Variants in MIDEAS observed in about 807,000 individuals in gnomAD.
MIDEAS encodes mitotic deacetylase-associated SANT domain protein.
In MIDEAS, 26 loss-of-function variants were observed where a neutral mutation model predicts 102.7. That is an observed-to-expected ratio of 0.25 (90% CI 0.19 to 0.35). MIDEAS has a LOEUF of 0.35. MIDEAS is among the 10% of genes least tolerant of loss of function. The pLI is 1.00. For synonymous variants in MIDEAS, 585 were observed against 591.0 expected (o/e 0.99, Z 0.15); for missense variants, 1,231 against 1,435.6 (o/e 0.86, Z 2.30).
rs1376326078 is a variant in MIDEAS at position 73,773,115 on chromosome 14, GATGTAA to G, written c.-248+13981_-248+13986del. Among the ~76,000 whole-genome samples, 22 of 148,814 alleles carry G rather than the reference GATGTAA, an allele frequency of 1.5e-4. 1 individual carries two copies. In the East Asian group the frequency reaches 4.4e-3, roughly 30 times the overall value. ...GGCCTCCCAAAGTGCTGGGATTACA[GATGTAA>G]GCCACCACGCCTGGCTTCTCATACA... On this transcript the variant is annotated intron_variant, in intron 1 of 11. Transcript: ENST00000394071.
intron 1 of MIDEAS, among the ~76,000 whole-genome samples, chr14:73,781,561 CCT>C (rs35223288): frequency 0.12 from 18,158 of 151,420 alleles, 1,230 homozygotes; most frequent in Middle Eastern, 0.21. Context: ...ATGGAGAAAC[CCT>C]GTCTCTACTA....
upstream of MIDEAS, among the ~76,000 whole-genome samples, chr14:73,762,473 G>A (rs965083138): frequency 2.0e-5 from 3 of 152,188 alleles, no homozygotes; most frequent in South Asian, 4.1e-4. Flanking sequence ...AGAAAGGAGA[G>A]AGAAGAAAAG....
chr14:73,748,768 CA>C (rs55972902), intron 1 of MIDEAS, among the ~76,000 whole-genome samples: 2,927 of 124,480 alleles, frequency 0.024, 52 homozygotes, highest in African/African-American at 0.072. Context: ...GACTCCGTCT[CA>C]AAAAAAAAAA....
chr14:73,729,745 G>A lies in MIDEAS; in HGVS notation c.1990C>T (p.Arg664Trp). The change falls in exon 4 of 13, where the codon CGG becomes TGG. Residue 664 changes from arginine to tryptophan, a missense_variant. Coordinates refer to ENST00000423556, the MANE Select transcript of MIDEAS (RefSeq NM_001367710.1). ...TTGAAGTAGAGGCCAGAGCCTTCCC[G>A]CACAGGGCTGAGGATGGGGGGCGGC... is the stretch of plus-strand genomic sequence containing the variant. Reference protein sequence around the residue: ...YTPPPILSPVREGSGLYFNAI... With the variant: ...YTPPPILSPVWEGSGLYFNAI... 6.2e-7 allele frequency: 1 copy of A among 1,614,084 alleles called. No individual in the cohort carries two copies. Among genetic ancestry groups the A allele is most frequent in the Non-Finnish European group, 8.5e-7 (1 of 1,180,044 alleles).
chr14:73,767,519 T>C (rs1186923521), intron 1 of MIDEAS, among the ~76,000 whole-genome samples: 1 of 152,134 alleles, frequency 6.6e-6, no homozygotes, highest in African/African-American at 2.4e-5. Flanking sequence ...GCACTTCTAG[T>C]CCCAGCTACT....
intron 1 of MIDEAS, among the ~76,000 whole-genome samples, chr14:73,756,312 G>GCGCGTGCACA (rs2053483515): frequency 6.6e-6 from 1 of 151,750 alleles, no homozygotes; most frequent in African/African-American, 2.4e-5. Flanking sequence ...GCGCGTGCGC[G>GCGCGTGCACA]CTGAGGTGGA....
Position 73,739,458 on chromosome 14 carries a change from G to A in MIDEAS, c.551C>T (p.Pro184Leu). 6.2e-7 allele frequency: 1 copy of A among 1,601,238 alleles called. No homozygotes were observed. The highest frequency in any genetic ancestry group is 8.5e-7 in the Non-Finnish European group (1 of 1,173,114). ...QLDRYVRPMM[P>L]QKVQLEVGRP... ...CCCTACCTCCAGCTGCACCTTCTGTGGCATCATTGGTCGCACATAGCGGTC... is the reference window on the plus strand; with the variant it reads ...CCCTACCTCCAGCTGCACCTTCTGTAGCATCATTGGTCGCACATAGCGGTC... Residue 184 changes from proline to leucine, a missense_variant, in exon 2 of 13, where the codon CCA becomes CTA. Coordinates refer to ENST00000423556, the MANE Select transcript of MIDEAS (RefSeq NM_001367710.1).
Position 73,737,024 on chromosome 14 carries a change from T to C in MIDEAS, c.1723A>G (p.Ile575Val), listed in dbSNP as rs1162090091. The C allele has an allele frequency of 6.2e-7, 1 of 1,613,464 alleles. No individual in the cohort carries two copies. The highest frequency in any genetic ancestry group is 8.5e-7 in the Non-Finnish European group (1 of 1,179,924). ...TGAGCTTGAGCATCTGTCCCGGGGA[T>C]TCGGGTGGACCGCCTGCGGGTGACG... ...VIVTRRRSTRIPGTDAQAQAE... is the reference protein window; with the variant it reads ...VIVTRRRSTRVPGTDAQAQAE... Residue 575 changes from isoleucine (I) to valine (V), a missense_variant, in exon 3 of 13, where the codon ATC becomes GTC. By Grantham distance (29) the Ile-to-Val change is conservative. Coordinates refer to ENST00000423556, the MANE Select transcript of MIDEAS (RefSeq NM_001367710.1).
rs1024329852 is a variant in MIDEAS at position 73,759,611 on chromosome 14, G to C, written c.-248+152C>G. On this transcript the variant is annotated intron_variant, in intron 1 of 12. Coordinates refer to ENST00000423556, the MANE Select transcript of MIDEAS (RefSeq NM_001367710.1). This position sits in a 1 kb window ranked among gnomAD's most constrained non-coding sequence, Gnocchi z 6.7. ...ACCGCCGCCCAGGCCGCAGAAGTTC[G>C]AGCGCAGCGGCCCCCGCGGCCCCCT... 2.7e-5 allele frequency among the ~76,000 whole-genome samples: 4 copies of C among 149,344 alleles called. No individual in the cohort carries two copies. The highest frequency in any genetic ancestry group is 9.7e-5 in the African/African-American group (4 of 41,128).
upstream of MIDEAS, among the ~76,000 whole-genome samples, chr14:73,763,380 G>A (rs541091527): frequency 6.6e-6 from 1 of 152,298 alleles, no homozygotes; most frequent in East Asian, 1.9e-4. Context: ...TATGGTGTGT[G>A]AAGTATATCT....
intron 1 of MIDEAS, among the ~76,000 whole-genome samples, chr14:73,768,248 T>A (rs960628729): frequency 1.3e-5 from 2 of 152,082 alleles, no homozygotes; most frequent in African/African-American, 4.8e-5. Context: ...AAGGAAGCCA[T>A]TTTTCCCATT....
chr14:73,734,278 C>T lies in MIDEAS; in HGVS notation c.1749+2720G>A, dbSNP rs935550177. ...GATTACAGACGTGAGCCACTGCCCC[C>T]GGCCCAGGATACATGTTTTAATATC... On this transcript the variant is annotated intron_variant, in intron 3 of 12. Transcript: ENST00000423556. 2.6e-5 allele frequency among the ~76,000 whole-genome samples: 4 copies of T among 152,174 alleles called. No individual in the cohort carries two copies. In the East Asian group the frequency reaches 7.7e-4, roughly 29 times the overall value.
At chr14:73,735,225 C>T (rs1455528560) in intron 3 of MIDEAS, among the ~76,000 whole-genome samples, 1 of 152,116 alleles carries the variant, frequency 6.6e-6, no homozygotes, top group Non-Finnish European at 1.5e-5. Flanking sequence ...GTATTATACA[C>T]TTCAAAATAG....
Position 73,727,485 on chromosome 14 carries a change from C to G in MIDEAS, c.2135G>C (p.Gly712Ala). The G allele has an allele frequency of 6.2e-7, 1 of 1,613,856 alleles. No homozygotes were observed. The highest frequency in any genetic ancestry group is 8.5e-7 in the Non-Finnish European group (1 of 1,179,916). The change falls in exon 5 of 13, where the codon GGG becomes GCG. Residue 712 changes from glycine to alanine, a missense_variant. Transcript: ENST00000423556. ...CTCGATGCTCACTGGGGTGGCCTCC[C>G]CCATCACAGAGAGGACAGGCGGGGT... ...EVTPPVLSVM[G>A]EATPVSIEPR...
At position 73,739,894 on chromosome 14, in the gene MIDEAS, T is replaced by G. The variant is rs767611779; in HGVS notation, c.115A>C (p.Ile39Leu). ...AGGTACTGCTCCTCCTTCACTCTGA[T>G]GGACTGCTGGGGGGGCTGCAGGGGA... The part of the protein sequence containing the change: ...PPPLQPPQQS[I>L]RVKEEQYLGH... The change falls in exon 2 of 13, where the codon ATC (isoleucine) becomes CTC (leucine). Residue 39 changes from isoleucine to leucine, a missense_variant. Ile to Leu is a conservative substitution (Grantham distance 5). Coordinates refer to ENST00000423556, the MANE Select transcript of MIDEAS (RefSeq NM_001367710.1). 1 of 1,565,304 alleles carries G rather than the reference T, an allele frequency of 6.4e-7. No homozygotes were observed. Among genetic ancestry groups the G allele is most frequent in the Admixed American group, 1.8e-5 (1 of 54,306 alleles).
intron 1 of MIDEAS, among the ~76,000 whole-genome samples, chr14:73,776,969 G>A (rs1002487163): frequency 6.6e-6 from 1 of 151,904 alleles, no homozygotes; most frequent in African/African-American, 2.4e-5. Context: ...TACTCGGGAC[G>A]CTGAGGCACA....
intron 1 of MIDEAS, among the ~76,000 whole-genome samples, chr14:73,746,960 C>T (rs542116807): frequency 2.0e-5 from 3 of 152,248 alleles, no homozygotes; most frequent in Non-Finnish European, 4.4e-5. Flanking sequence ...CAAGGAAGCC[C>T]GTGCAGGGAC....
chr14:73,736,562 C>T (rs950297287), intron 3 of MIDEAS, among the ~76,000 whole-genome samples: 5 of 150,150 alleles, frequency 3.3e-5, no homozygotes, highest in African/African-American at 9.9e-5. Flanking sequence ...ACCCAGGAGG[C>T]GGAGGTTGCA....
At chr14:73,722,626 C>A in intron 10 of MIDEAS, 72 bp downstream of exon 10, 2 of 1,563,570 alleles carry the variant, frequency 1.3e-6, no homozygotes, top group Non-Finnish European at 1.7e-6. Flanking sequence ...AGCTCGGGCT[C>A]GGGCTCCCAG....
Sources: gnomAD v4.1 joint callset for allele counts (sites outside exome capture counted in the v4.1 genomes callset) on GRCh38, gnomAD v4.1.1 for gene constraint, Gnocchi (gnomAD v3.1) non-coding constraint, MANE v1.5 for transcripts, NCBI Gene and HGNC (gene_info 2026-07-23, HGNC 2026-07-21) for gene names.